SMPX: variants seen among roughly 807,000 people sequenced by gnomAD.
SMPX encodes the protein small muscle protein X-linked.
SMPX carries 2 observed loss-of-function variants against 6.3 expected under a neutral mutation model. The observed-to-expected ratio is 0.32, with a 90% confidence interval of 0.13 to 0.99. The LOEUF (loss-of-function observed/expected upper bound fraction) is 0.99. Ranked by LOEUF, SMPX falls within the 50% of genes least tolerant of loss-of-function variation. The pLI is 0.49. For synonymous variants in SMPX, 32 were observed against 24.7 expected (o/e 1.30, Z -0.88); for missense variants, 60 against 66.8 (o/e 0.90, Z 0.36).
In SMPX at chrX:21,736,511, T is replaced by C. The variant is rs1051273147; in HGVS notation, c.*14+1038A>G. 1.1e-4 allele frequency among the ~76,000 whole-genome samples: 12 copies of C among 112,211 alleles called. No homozygotes were observed. The Admixed American group carries it at 1.1e-3, about 11-fold the overall frequency. On this transcript the variant is annotated intron_variant, in intron 4 of 4. Coordinates refer to ENST00000379494, the MANE Select transcript of SMPX (RefSeq NM_014332.3). ...CTCAAAAATGAGAACAATAATTGAG[T>C]ATCATGAGGCTTAAAAGAAACAATG...
chrX:21,751,621 T>C (rs892419472), intron 2 of SMPX, among the ~76,000 whole-genome samples: 14 of 112,082 alleles, frequency 1.2e-4, no homozygotes, highest in Non-Finnish European at 1.9e-4. Flanking sequence ...AGGGATCAAT[T>C]CATCTCAGGG....
In SMPX at chrX:21,737,825, G is replaced by A. The variant is rs1220685228; in HGVS notation, c.133-128C>T. 4 of 630,033 alleles carry A rather than the reference G, an allele frequency of 6.3e-6. No individual in the cohort carries two copies. The East Asian group carries it at 1.4e-4, about 23-fold the overall frequency. The allele number at this position is 630,033 out of a possible 1,213,427, so 51.9% of individuals were successfully genotyped here. On this transcript the variant is annotated intron_variant, in intron 3 of 4. Transcript: ENST00000379494. Reference sequence around the variant, plus strand: ...AAAGTGTGATTCTAGCAGAGTGACTGTCCCTTGTGTTGTTGAGACAGCCTT... The same window carrying A: ...AAAGTGTGATTCTAGCAGAGTGACTATCCCTTGTGTTGTTGAGACAGCCTT...
intron 4 of SMPX, 32 bp from the exon 5 acceptor site, chrX:21,706,426 T>A (rs1228835437): frequency 2.9e-6 from 1 of 340,958 alleles, no homozygotes; most frequent in African/African-American, 2.6e-5. Context: ...AACCATGAGT[T>A]TTTTGCCTCC....
chrX:21,707,734 A>G (rs181975687), intron 4 of SMPX, among the ~76,000 whole-genome samples: 28 of 112,377 alleles, frequency 2.5e-4, no homozygotes, highest in Admixed American at 2.5e-3. Flanking sequence ...TGCTGTTGCC[A>G]TAACAAGGGT....
chrX:21,709,874 TG>T (rs2092776656), intron 4 of SMPX, among the ~76,000 whole-genome samples: 1 of 111,818 alleles, frequency 8.9e-6, no homozygotes. Flanking sequence ...ATGGAATGGG[TG>T]ATGATCCATA....
chrX:21,728,161 G>A (rs889755398), intron 4 of SMPX, among the ~76,000 whole-genome samples: 3 of 101,504 alleles, frequency 3.0e-5, no homozygotes, highest in Non-Finnish European at 4.0e-5. Flanking sequence ...TGCCATAATC[G>A]GAGTTTTTCT....
chrX:21,721,941 C>A (rs1437621784), intron 4 of SMPX, among the ~76,000 whole-genome samples: 2 of 110,991 alleles, frequency 1.8e-5, no homozygotes, highest in African/African-American at 6.6e-5. Context: ...GCAGGAGGAT[C>A]TTTTGAACTC....
At position 21,707,207 on chromosome X, in the gene SMPX, CTGTCTTATTTGACTTAGCATAA is replaced by C. The variant is rs202168146; in HGVS notation, c.*15-835_*15-814del. ...AAGATCATGCCATATTTGTCTATGACTGTCTTATTTGACTTAGCATAATGTCCTCCAGGTTCATCATTAGTAT... is the reference window on the plus strand; with the variant it reads ...AAGATCATGCCATATTTGTCTATGACTGTCCTCCAGGTTCATCATTAGTAT... On this transcript the variant is annotated intron_variant, in intron 4 of 4. Transcript: ENST00000379494. 9.8e-4 allele frequency among the ~76,000 whole-genome samples: 108 copies of C among 109,879 alleles called. No individual in the cohort carries two copies. The East Asian group carries it at 0.029, about 30-fold the overall frequency.
At chrX:21,729,282 G>A (rs905425891) in intron 4 of SMPX, among the ~76,000 whole-genome samples, 1 of 112,787 alleles carries the variant, frequency 8.9e-6, no homozygotes, top group Non-Finnish European at 1.9e-5. Flanking sequence ...AGCAAAGTCC[G>A]CAGCAAGCTG....
chrX:21,719,688 G>T (rs769892067), intron 4 of SMPX, among the ~76,000 whole-genome samples: 1 of 111,744 alleles, frequency 8.9e-6, no homozygotes, highest in East Asian at 2.8e-4. Context: ...TTGCCTCCCT[G>T]TAGAGGTTCT....
At chrX:21,707,808 C>G (rs775262297) in intron 4 of SMPX, among the ~76,000 whole-genome samples, 2 of 112,347 alleles carry the variant, frequency 1.8e-5, no homozygotes, top group Admixed American at 1.9e-4. Context: ...GGGCCACCCC[C>G]GCTAAAGCAC....
chrX:21,706,679 C>T (rs773930758), intron 4 of SMPX, among the ~76,000 whole-genome samples: 1 of 110,883 alleles, frequency 9.0e-6, no homozygotes, highest in African/African-American at 3.3e-5. Context: ...GGCTGTGTCC[C>T]CATCCAAAAT....
intron 3 of SMPX, among the ~76,000 whole-genome samples, chrX:21,741,407 G>A (rs2092815930): frequency 8.9e-6 from 1 of 111,818 alleles, no homozygotes; most frequent in Non-Finnish European, 1.9e-5. Flanking sequence ...GATAGTAAAT[G>A]TGGATGTATA....
At chrX:21,711,149 G>A (rs966262394) in intron 4 of SMPX, among the ~76,000 whole-genome samples, 4 of 112,055 alleles carry the variant, frequency 3.6e-5, no homozygotes, top group African/African-American at 1.3e-4. Flanking sequence ...GCATGTGCTC[G>A]GGATGCTGGC....
intron 2 of SMPX, among the ~76,000 whole-genome samples, chrX:21,749,364 C>G (rs1395939343): frequency 1.8e-5 from 2 of 112,226 alleles, no homozygotes; most frequent in Non-Finnish European, 3.8e-5. Flanking sequence ...TCAGTGTAGA[C>G]TATCAGCTTC....
intron 2 of SMPX, among the ~76,000 whole-genome samples, chrX:21,751,468 A>G (rs2092827364): frequency 8.9e-6 from 1 of 112,105 alleles, no homozygotes. Context: ...TTTAACCTTC[A>G]TAGTAATCCT....
At chrX:21,713,141 T>G (rs369998574) in intron 4 of SMPX, among the ~76,000 whole-genome samples, 40 of 112,300 alleles carry the variant, frequency 3.6e-4, no homozygotes, top group African/African-American at 1.1e-3. Context: ...TGGCCTTTGA[T>G]GTATTATGAG....
chrX:21,728,251 T>A lies in SMPX; in HGVS notation c.*14+9298A>T, dbSNP rs866738530. Among the ~76,000 whole-genome samples, 16 of 74,141 alleles carry A rather than the reference T, an allele frequency of 2.2e-4. 2 individuals are homozygous for A. The highest frequency in any genetic ancestry group is 1.5e-3 in the East Asian group (2 of 1,373). The allele number at this position is 74,141 out of a possible 115,157, so 64.4% of individuals were successfully genotyped here. A position where few individuals can be genotyped will look rare whatever the true frequency, so the allele number is the denominator to read the frequency against. ...CTCTCTCTCTCTCTCTCTCTCTCTC[T>A]CTCTCTCTCTCTCTCTCTCTCATAC... On this transcript the variant is annotated intron_variant, in intron 4 of 4. Transcript: ENST00000379494.
chrX:21,718,806 C>T (rs985290789), intron 4 of SMPX, among the ~76,000 whole-genome samples: 5 of 111,619 alleles, frequency 4.5e-5, no homozygotes, highest in South Asian at 3.8e-4. Flanking sequence ...ATAGGTCAGG[C>T]GGGGAGAAAG....
Sources: gnomAD v4.1 joint callset for allele counts (sites outside exome capture counted in the v4.1 genomes callset) on GRCh38, gnomAD v4.1.1 for gene constraint, MANE v1.5 for transcripts, NCBI Gene and HGNC (gene_info 2026-07-23, HGNC 2026-07-21) for gene names.